The following RXFP2 variants were observed in gnomAD, a reference collection of about 807,000 sequenced individuals.
RXFP2 encodes relaxin family peptide receptor 2.
RXFP2 carries 68 observed loss-of-function variants against 88.6 expected under a neutral mutation model. That is an observed-to-expected ratio of 0.77 (90% confidence interval 0.63 to 0.94). The LOEUF (loss-of-function observed/expected upper bound fraction) is 0.94, where lower values mean the gene tolerates loss of function less well. Among genes scored for constraint, RXFP2 ranks in the 40% least tolerant of loss-of-function variants. The pLI, the probability that RXFP2 is intolerant of heterozygous loss-of-function variation, is 0.00. For synonymous variants in RXFP2, 329 were observed against 306.8 expected (o/e 1.07, Z -0.76); for missense variants, 791 against 893.9 (o/e 0.88, Z 1.47).
At chr13:31,792,632 G>T in intron 15 of RXFP2, 46 bp from the exon 16 acceptor site, 1 of 1,578,110 alleles carries the variant, frequency 6.3e-7, no homozygotes, top group Non-Finnish European at 8.7e-7. Flanking sequence ...AACTAAAACA[G>T]GGACATTGGA....
At chr13:31,752,989 C>G (rs1871741829) in intron 1 of RXFP2, among the ~76,000 whole-genome samples, 1 of 152,120 alleles carries the variant, frequency 6.6e-6, no homozygotes, top group African/African-American at 2.4e-5. Flanking sequence ...TTCTATAGCC[C>G]CTCTGAGGCA....
chr13:31,752,350 C>T (rs577021302), intron 1 of RXFP2, among the ~76,000 whole-genome samples: 1 of 151,988 alleles, frequency 6.6e-6, no homozygotes, highest in Admixed American at 6.6e-5. Flanking sequence ...TTGCTTTGTC[C>T]CAGAAGAACA....
chr13:31,758,409 G>A lies in RXFP2; in HGVS notation c.241+5G>A. ...GGGCGGACGAAGAGAACTGTGGTGA[G>A]TGCTCCCCTCGGCTCCCCATGTGTG... On this transcript the variant is annotated splice_donor_5th_base_variant and intron_variant, in intron 2 of 17. Transcript: ENST00000298386. 1 of 1,614,082 alleles carries A rather than the reference G, an allele frequency of 6.2e-7. No individual in the cohort carries two copies.
intron 16 of RXFP2, 74 bp downstream of exon 16, chr13:31,793,162 T>C: frequency 1.5e-6 from 2 of 1,347,180 alleles, no homozygotes; most frequent in Non-Finnish European, 2.1e-6. Context: ...CAAAGGTGGA[T>C]TTGTTTGTTT....
chr13:31,763,426 G>T (rs1371651964), intron 3 of RXFP2, among the ~76,000 whole-genome samples: 1 of 152,108 alleles, frequency 6.6e-6, no homozygotes, highest in African/African-American at 2.4e-5. Flanking sequence ...AGGGTGGGTT[G>T]CTGCTGGCAT....
At chr13:31,756,353 C>T (rs1451465537) in intron 1 of RXFP2, among the ~76,000 whole-genome samples, 1 of 152,164 alleles carries the variant, frequency 6.6e-6, no homozygotes, top group Non-Finnish European at 1.5e-5. Context: ...TACACAGTTG[C>T]CATTAACATC....
At chr13:31,757,969 G>A (rs547134198) in intron 1 of RXFP2, among the ~76,000 whole-genome samples, 37 of 152,238 alleles carry the variant, frequency 2.4e-4, no homozygotes, top group African/African-American at 7.7e-4. Context: ...GTTCACGTCT[G>A]TAATCTTGGC....
chr13:31,752,961 G>A (rs1871739678), intron 1 of RXFP2, among the ~76,000 whole-genome samples: 1 of 152,198 alleles, frequency 6.6e-6, no homozygotes, highest in Admixed American at 6.5e-5. Context: ...GGAACAGATG[G>A]CAAGGCTTGC....
chr13:31,784,305 C>T (rs1023867115), intron 11 of RXFP2, among the ~76,000 whole-genome samples: 65 of 152,184 alleles, frequency 4.3e-4, no homozygotes, highest in African/African-American at 1.5e-3. Flanking sequence ...ATTCACTTAG[C>T]CTCAGAAAGC....
At chr13:31,759,047 CA>C (rs537553906) in intron 2 of RXFP2, among the ~76,000 whole-genome samples, 3,070 of 133,536 alleles carry the variant, frequency 0.023, 80 homozygotes, top group African/African-American at 0.062. Context: ...AACTCCATCT[CA>C]AAAAAAAAAA....
At chr13:31,765,740 C>A (rs1872523977) in intron 4 of RXFP2, among the ~76,000 whole-genome samples, 1 of 152,176 alleles carries the variant, frequency 6.6e-6, no homozygotes, top group Admixed American at 6.5e-5. Context: ...GTCTACTATA[C>A]TAACTGGCTA....
intron 16 of RXFP2, among the ~76,000 whole-genome samples, chr13:31,796,441 C>T (rs1031799329): frequency 6.6e-6 from 1 of 151,334 alleles, no homozygotes; most frequent in Admixed American, 6.6e-5. Context: ...TTTTATTATT[C>T]ATGTTTATAG....
intron 9 of RXFP2, among the ~76,000 whole-genome samples, chr13:31,781,294 C>T (rs1280441395): frequency 2.0e-5 from 3 of 152,070 alleles, no homozygotes; most frequent in Non-Finnish European, 4.4e-5. Context: ...TTGGATTTCT[C>T]TTATGTTAAA....
chr13:31,792,876 T>C lies in RXFP2; in HGVS notation c.1574T>C (p.Val525Ala). 6.2e-7 allele frequency: 1 copy of C among 1,614,204 alleles called. No homozygotes were observed. Among genetic ancestry groups the C allele is most frequent in the Non-Finnish European group, 8.5e-7 (1 of 1,180,034 alleles). Reference protein sequence around the residue: ...YLTLEKFLVIVFPFSNIRPGK... With the variant: ...YLTLEKFLVIAFPFSNIRPGK... ...ACTTTGGAGAAGTTCCTGGTCATTG[T>C]CTTCCCCTTCAGTAACATTCGACCT... The change falls in exon 16 of 18, where the codon GTC becomes GCC. Residue 525 changes from valine (V) to alanine (A), a missense_variant. Val to Ala is a moderately conservative substitution (Grantham distance 64). Coordinates refer to ENST00000298386, the MANE Select transcript of RXFP2 (RefSeq NM_130806.5).
At chr13:31,773,088 G>T (rs527858325) in intron 5 of RXFP2, among the ~76,000 whole-genome samples, 1 of 152,260 alleles carries the variant, frequency 6.6e-6, no homozygotes, top group South Asian at 2.1e-4. Context: ...CATTGCATCA[G>T]TCTCAAGGCT....
At chr13:31,763,490 C>T (rs1872398515) in intron 3 of RXFP2, among the ~76,000 whole-genome samples, 1 of 152,058 alleles carries the variant, frequency 6.6e-6, no homozygotes, top group South Asian at 2.1e-4. Context: ...CAAAGGACAG[C>T]CTCCCATGAC....
At chr13:31,772,062 T>C (rs1872755069) in intron 5 of RXFP2, among the ~76,000 whole-genome samples, 1 of 152,248 alleles carries the variant, frequency 6.6e-6, no homozygotes, top group Non-Finnish European at 1.5e-5. Flanking sequence ...TTCATTTTAA[T>C]AATCTTTTAA....
At chr13:31,749,245 A>G (rs1398671507) in intron 1 of RXFP2, among the ~76,000 whole-genome samples, 2 of 152,190 alleles carry the variant, frequency 1.3e-5, no homozygotes, top group Non-Finnish European at 2.9e-5. Flanking sequence ...ACAAATGATT[A>G]CATATGTGTC....
intron 14 of RXFP2, among the ~76,000 whole-genome samples, chr13:31,790,829 G>C (rs893762492): frequency 6.6e-6 from 1 of 152,124 alleles, no homozygotes; most frequent in African/African-American, 2.4e-5. Context: ...GCAGTATCCA[G>C]GGGAAGAATC....
Sources: allele counts gnomAD v4.1 joint callset (sites outside exome capture counted in the v4.1 genomes callset), GRCh38; gene constraint gnomAD v4.1.1; transcripts MANE v1.5; gene names NCBI Gene and HGNC (gene_info 2026-07-23, HGNC 2026-07-21).